The following SYDE1 variants were observed in gnomAD, a reference collection of about 807,000 sequenced individuals.
SYDE1 encodes the protein synapse defective Rho GTPase activating protein 1.
SYDE1 carries 34 observed loss-of-function variants against 63.3 expected under a neutral mutation model. The observed-to-expected ratio is 0.54, with a 90% CI of 0.41 to 0.71. The LOEUF (loss-of-function observed/expected upper bound fraction) is 0.71, where lower values mean the gene tolerates loss of function less well. SYDE1 is among the 30% of genes least tolerant of loss of function. The probability of loss-of-function intolerance (pLI) is 0.00; values close to 1 mark genes in which losing one functional copy is unlikely to be tolerated. For missense variants in SYDE1, 925 were observed against 1,042.5 expected (o/e 0.89, Z 1.55); for synonymous variants, 467 against 473.4 (o/e 0.99, Z 0.18).
In SYDE1 at chr19:15,109,384, C is replaced by T; in HGVS notation, c.417C>T (p.Gly139=). The T allele has an allele frequency of 3.9e-6, 6 of 1,549,630 alleles. No homozygotes were observed. The highest frequency in any genetic ancestry group is 5.2e-6 in the Non-Finnish European group (6 of 1,149,788). The change falls in exon 2 of 8, where the codon GGC becomes GGT. Residue 139 remains glycine, a synonymous_variant. Coordinates refer to ENST00000342784, the MANE Select transcript of SYDE1 (RefSeq NM_033025.6). This position sits in a 1 kb window ranked among gnomAD's most constrained non-coding sequence, Gnocchi z 5.0. ...GPQPGSAESE[G]LAPQGAAPAS... is the part of the protein sequence containing the mutation. ...AGCCTGGCTCAGCTGAGTCAGAGGG[C>T]CTGGCCCCCCAAGGTAAGAACAAGC...
In SYDE1 at chr19:15,109,243, G is replaced by C; in HGVS notation, c.276G>C (p.Glu92Asp). The part of the protein sequence containing the change: ...RWVLGGAKPA[E>D]DTSLGPGVPG... ...TGCTGGGTGGGGCCAAGCCAGCTGAGGACACCTCTTTAGGGCCTGGGGTAC... is the reference window on the plus strand; with the variant it reads ...TGCTGGGTGGGGCCAAGCCAGCTGACGACACCTCTTTAGGGCCTGGGGTAC... The change falls in exon 2 of 8, where the codon GAG becomes GAC. Residue 92 changes from glutamate (E) to aspartate (D), a missense_variant. Physicochemically the swap from Glu to Asp is conservative, Grantham distance 45 (BLOSUM62 2). Coordinates refer to ENST00000342784, the MANE Select transcript of SYDE1 (RefSeq NM_033025.6). This position sits in a 1 kb window ranked among gnomAD's most constrained non-coding sequence, Gnocchi z 5.0. The C allele has an allele frequency of 6.3e-7, 1 of 1,596,552 alleles. No individual in the cohort carries two copies. The highest frequency in any genetic ancestry group is 1.8e-5 in the Admixed American group (1 of 56,740).
Position 15,111,928 on chromosome 19 carries a change from TC to T in SYDE1, c.1578+139del. On this transcript the variant is annotated intron_variant, in intron 6 of 7. Transcript: ENST00000342784. The surrounding 1 kb of genome is among the most constrained non-coding windows in gnomAD (Gnocchi z 5.5). ...CCCCAAGAAATAGGTGCTATTAGCATCCCACTTCATAGATTTGGAAACTGAG... is the reference window on the plus strand; with the variant it reads ...CCCCAAGAAATAGGTGCTATTAGCATCCACTTCATAGATTTGGAAACTGAG... 1.1e-6 allele frequency: 1 copy of T among 904,476 alleles called. No individual in the cohort carries two copies. The highest frequency in any genetic ancestry group is 1.6e-6 in the Non-Finnish European group (1 of 621,708). The allele number at this position is 904,476 out of a possible 1,614,324, so 56.0% of individuals were successfully genotyped here. A position where few individuals can be genotyped will look rare whatever the true frequency, so the allele number is the denominator to read the frequency against.
In SYDE1 at chr19:15,112,570, A is replaced by C. The variant is rs1223363338; in HGVS notation, c.1803A>C (p.Pro601=). Reference sequence around the variant, plus strand: ...TGCACTACCTGCTGCAGTCTTGGCCAGGTGAGTTCATGCCCAGGGCCTGCA... The same window carrying C: ...TGCACTACCTGCTGCAGTCTTGGCCCGGTGAGTTCATGCCCAGGGCCTGCA... ...EVLHYLLQSW[P]DPRLPRQSPD... Residue 601 remains proline, a splice_region_variant and synonymous_variant, in exon 7 of 8, where the codon CCA becomes CCC. Coordinates refer to ENST00000342784, the MANE Select transcript of SYDE1 (RefSeq NM_033025.6). 2 of 1,567,060 alleles carry C rather than the reference A, an allele frequency of 1.3e-6. No individual in the cohort carries two copies.
intron 1 of SYDE1, among the ~76,000 whole-genome samples, chr19:15,107,951 G>T (rs1267844310): frequency 3.3e-5 from 5 of 152,106 alleles, no homozygotes; most frequent in Non-Finnish European, 7.4e-5. Context: ...AGAGAGGGGC[G>T]GCCCGTCAAT....
Position 15,111,508 on chromosome 19 carries a change from C to A in SYDE1, c.1417+69C>A, listed in dbSNP as rs1035357849. ...TGCCTCACTTCAAGGCCTTGGGGCT[C>A]CTCTGGGACCTCAGTCCTCCTATCT... On this transcript the variant is annotated intron_variant, in intron 5 of 7. Coordinates refer to ENST00000342784, the MANE Select transcript of SYDE1 (RefSeq NM_033025.6). This position sits in a 1 kb window ranked among gnomAD's most constrained non-coding sequence, Gnocchi z 5.5. The A allele has an allele frequency of 2.6e-5, 42 of 1,600,230 alleles. No homozygotes were observed. The highest frequency in any genetic ancestry group is 3.5e-5 in the Non-Finnish European group (41 of 1,170,858).
chr19:15,112,357 G>A lies in SYDE1; in HGVS notation c.1590G>A (p.Thr530=), dbSNP rs748299354. 1.1e-5 allele frequency: 17 copies of A among 1,569,610 alleles called. No homozygotes were observed. The highest frequency in any genetic ancestry group is 1.4e-5 in the African/African-American group (1 of 74,064). ...CLPDVERATL[T]LLLDHLRLVS... is the part of the protein sequence containing the mutation. ...CAACCCTCTCCCAGGCCACGCTGACGCTTCTCCTGGACCACCTGCGCCTCG... is the reference window on the plus strand; with the variant it reads ...CAACCCTCTCCCAGGCCACGCTGACACTTCTCCTGGACCACCTGCGCCTCG... Residue 530 remains threonine (T), a synonymous_variant, in exon 7 of 8, where the codon ACG becomes ACA. Transcript: ENST00000342784.
In SYDE1 at chr19:15,108,930, G is replaced by A. The variant is rs1837849165; in HGVS notation, c.89-126G>A. 7.3e-7 allele frequency: 1 copy of A among 1,378,696 alleles called. No homozygotes were observed. Among genetic ancestry groups the A allele is most frequent in the Non-Finnish European group, 9.4e-7 (1 of 1,062,778 alleles). 85.4% of individuals were successfully genotyped at this position (1,378,696 alleles called of 1,614,324 possible). ...TTCCAAACAAAACAGCAGGATCCAA[G>A]GAACCATGACTTATCAGGGGCCGGC... On this transcript the variant is annotated intron_variant, in intron 1 of 7. Transcript: ENST00000342784. The surrounding 1 kb of genome is among the most constrained non-coding windows in gnomAD (Gnocchi z 4.3).
Position 15,114,436 on chromosome 19 carries a change from T to C in SYDE1, c.*473T>C. 1 of 164,572 alleles carries C rather than the reference T, an allele frequency of 6.1e-6. No individual in the cohort carries two copies. The highest frequency in any genetic ancestry group is 1.3e-5 in the Non-Finnish European group (1 of 75,440). 10.2% of individuals were successfully genotyped at this position (164,572 alleles called of 1,614,324 possible). On this transcript the variant is annotated 3_prime_UTR_variant, in exon 8 of 8. Coordinates refer to ENST00000342784, the MANE Select transcript of SYDE1 (RefSeq NM_033025.6). ...CCCTTGGACGACACAAAGACTAGCA[T>C]GAGGCACTGTTTGTGGGGGGCAGCC...
In SYDE1 at chr19:15,108,712, C is replaced by T. The variant is rs970422109; in HGVS notation, c.89-344C>T. Reference sequence around the variant, plus strand: ...GGGAAGCGACTTGCCCAAGGCCACGCAGGTGCAAAGCTCCATGCCACGGTT... The same window carrying T: ...GGGAAGCGACTTGCCCAAGGCCACGTAGGTGCAAAGCTCCATGCCACGGTT... On this transcript the variant is annotated intron_variant, in intron 1 of 7. Transcript: ENST00000342784. The surrounding 1 kb of genome is among the most constrained non-coding windows in gnomAD (Gnocchi z 4.3). The T allele has an allele frequency of 4.2e-6, 1 of 239,786 alleles. No homozygotes were observed. Among genetic ancestry groups the T allele is most frequent in the Non-Finnish European group, 8.0e-6 (1 of 125,482 alleles). 14.9% of individuals were successfully genotyped at this position (239,786 alleles called of 1,614,324 possible).
At chr19:15,107,733 C>G (rs2046316547) in intron 1 of SYDE1, among the ~76,000 whole-genome samples, 1 of 149,456 alleles carries the variant, frequency 6.7e-6, no homozygotes. Flanking sequence ...TGCTGCTGGC[C>G]GGGGATGCCA....
In SYDE1 at chr19:15,111,380, G is replaced by T; in HGVS notation, c.1358G>T (p.Arg453Leu). The T allele has an allele frequency of 1.2e-6, 2 of 1,614,104 alleles. No homozygotes were observed. Residue 453 changes from arginine to leucine, a missense_variant, in exon 5 of 8, where the codon CGG becomes CTG. Physicochemically the swap from Arg to Leu is moderately radical, Grantham distance 102. Around this residue, in one of 3 missense-constraint regions of SYDE1, gnomAD observed 599 missense variants for 653.7 expected, o/e 0.92. Transcript: ENST00000342784. This position sits in a 1 kb window ranked among gnomAD's most constrained non-coding sequence, Gnocchi z 5.5. ...VKKELRDAFE[R>L]DSAAVCLSED... ...AAAGAGCTTCGGGATGCCTTTGAGC[G>T]GGACAGTGCAGCGGTCTGCCTATCT...
Position 15,109,315 on chromosome 19 carries a change from T to C in SYDE1, c.348T>C (p.Pro116=). The change falls in exon 2 of 8, where the codon CCT becomes CCC. Residue 116 remains proline (P), a synonymous_variant. Transcript: ENST00000342784. The surrounding 1 kb of genome is among the most constrained non-coding windows in gnomAD (Gnocchi z 5.0). The stretch of plus-strand genomic sequence containing the variant: ...GCGAGATCTGGTACAACCCCATCCC[T>C]GAGGAAGACCCCAGACCTCCAGCAC... ...PAGEIWYNPI[P]EEDPRPPAPE... The C allele has an allele frequency of 6.2e-7, 1 of 1,612,110 alleles. No individual in the cohort carries two copies. The highest frequency in any genetic ancestry group is 1.7e-4 in the Middle Eastern group (1 of 6,042).
rs2046373794 is a variant in SYDE1, at chr19:15,114,699, G to T, written c.*736G>T. 6.7e-6 allele frequency: 1 copy of T among 149,016 alleles called. No individual in the cohort carries two copies. Among genetic ancestry groups the T allele is most frequent in the East Asian group, 2.0e-4 (1 of 5,004 alleles). The allele number at this position is 149,016 out of a possible 1,614,324, so 9.2% of individuals were successfully genotyped here. ...AGGGGGCCCCCTGAAGCGTCAGGCT[G>T]GGGGCAGTCTGGTACGGAACATATT... On this transcript the variant is annotated 3_prime_UTR_variant, in exon 8 of 8. Coordinates refer to ENST00000342784, the MANE Select transcript of SYDE1 (RefSeq NM_033025.6).
rs770593181 is a variant in SYDE1 at position 15,108,968 on chromosome 19, C to T, written c.89-88C>T. ...ATCAGGGGCCGGCCAGGGCCGTACA[C>T]AGCATCCCACCCACTGATCAATTGC... On this transcript the variant is annotated intron_variant, in intron 1 of 7. Transcript: ENST00000342784. The surrounding 1 kb of genome is among the most constrained non-coding windows in gnomAD (Gnocchi z 4.3). 69 of 1,425,618 alleles carry T rather than the reference C, an allele frequency of 4.8e-5. No individual in the cohort carries two copies. Among genetic ancestry groups the T allele is most frequent in the Middle Eastern group, 2.6e-4 (1 of 3,880 alleles). 88.3% of individuals were successfully genotyped at this position (1,425,618 alleles called of 1,614,324 possible).
rs765315949 is a variant in SYDE1, at chr19:15,109,389, C to A, written c.422C>A (p.Ala141Asp). Residue 141 changes from alanine (A) to aspartate (D), a missense_variant, in exon 2 of 8, where the codon GCC becomes GAC. Physicochemically the swap from Ala to Asp is moderately radical, Grantham distance 126 (BLOSUM62 -2). Transcript: ENST00000342784. The surrounding 1 kb of genome is among the most constrained non-coding windows in gnomAD (Gnocchi z 5.0). ...QPGSAESEGL[A>D]PQGAAPASPP... ...GGCTCAGCTGAGTCAGAGGGCCTGG[C>A]CCCCCAAGGTAAGAACAAGCTTCCC... 1.9e-6 allele frequency: 3 copies of A among 1,544,710 alleles called. No homozygotes were observed. Among genetic ancestry groups the A allele is most frequent in the African/African-American group, 2.8e-5 (2 of 72,616 alleles).
In SYDE1 at chr19:15,110,360, G is replaced by T; in HGVS notation, c.1075+12G>T. The T allele has an allele frequency of 7.0e-7, 1 of 1,434,436 alleles. No homozygotes were observed. The highest frequency in any genetic ancestry group is 9.1e-7 in the Non-Finnish European group (1 of 1,095,554). The allele number at this position is 1,434,436 out of a possible 1,614,324, so 88.9% of individuals were successfully genotyped here. A position where few individuals can be genotyped will look rare whatever the true frequency, so the allele number is the denominator to read the frequency against. On this transcript the variant is annotated intron_variant, in intron 3 of 7. Coordinates refer to ENST00000342784, the MANE Select transcript of SYDE1 (RefSeq NM_033025.6). The surrounding 1 kb of genome is among the most constrained non-coding windows in gnomAD (Gnocchi z 6.9). ...CACGGTCTTCCGAGGTAGGACATGC[G>T]GCTGCAGGGGAGGAGGGGCAGGGAC...
chr19:15,112,189 T>C (rs1455814643), intron 6 of SYDE1, among the ~76,000 whole-genome samples, 157 bp from the exon 7 acceptor site: 1 of 152,214 alleles, frequency 6.6e-6, no homozygotes, highest in African/African-American at 2.4e-5. Flanking sequence ...AATAGGCTCA[T>C]AATACTAACA....
chr19:15,107,582 C>A (rs1407290519), intron 1 of SYDE1, 61 bp downstream of exon 1: 3 of 1,302,642 alleles, frequency 2.3e-6, no homozygotes, highest in South Asian at 1.3e-5. Flanking sequence ...GGAGCGGGGT[C>A]CCAGGGCCCC....
rs1429642317 is a variant in SYDE1 at position 15,111,124 on chromosome 19, A to T, written c.1291-189A>T. On this transcript the variant is annotated intron_variant, in intron 4 of 7. Transcript: ENST00000342784. This position sits in a 1 kb window ranked among gnomAD's most constrained non-coding sequence, Gnocchi z 5.5. Reference sequence around the variant, plus strand: ...AAAGAAGTGTCAGTTTCCTAAGTCAAAGGAGATGGCAGCCAAGACAAGTAG... The same window carrying T: ...AAAGAAGTGTCAGTTTCCTAAGTCATAGGAGATGGCAGCCAAGACAAGTAG... 6.6e-6 allele frequency among the ~76,000 whole-genome samples: 1 copy of T among 152,108 alleles called. No homozygotes were observed. The highest frequency in any genetic ancestry group is 1.5e-5 in the Non-Finnish European group (1 of 68,018).
Sources: allele counts gnomAD v4.1 joint callset (sites outside exome capture counted in the v4.1 genomes callset), GRCh38; gene constraint gnomAD v4.1.1; regional missense constraint gnomAD v4.1.1; non-coding constraint Gnocchi (gnomAD v3.1); transcripts MANE v1.5; gene names NCBI Gene and HGNC (gene_info 2026-07-23, HGNC 2026-07-21).